CDH18: variants seen among roughly 807,000 people sequenced by gnomAD.
CDH18 encodes the protein cadherin-18.
CDH18 carries 31 observed loss-of-function variants against 67.9 expected under a neutral mutation model. That is an observed-to-expected ratio of 0.46 (90% CI 0.34 to 0.62). The LOEUF is 0.62. CDH18 is among the 20% of genes least tolerant of loss of function. The pLI is 0.01. For synonymous variants in CDH18, 362 were observed against 347.2 expected, an observed-to-expected ratio of 1.04 and a Z score of -0.48; for missense variants, 890 against 975.5, an observed-to-expected ratio of 0.91 and a Z score of 1.17.
chr5:19,842,204 T>C (rs948757281), intron 2 of CDH18, among the ~76,000 whole-genome samples: 2 of 152,198 alleles, frequency 1.3e-5, no homozygotes, highest in Non-Finnish European at 2.9e-5. Context: ...TGAATTCTGA[T>C]AAACCGAGCC....
At chr5:20,503,319 CT>C (rs1754455188) in intron 1 of CDH18, among the ~76,000 whole-genome samples, 1 of 151,470 alleles carries the variant, frequency 6.6e-6, no homozygotes, top group Non-Finnish European at 1.5e-5. Context: ...ACTAAACCCA[CT>C]AATTGAGGCT....
At chr5:19,886,739 T>C (rs1239528992) in intron 2 of CDH18, among the ~76,000 whole-genome samples, 2 of 152,162 alleles carry the variant, frequency 1.3e-5, no homozygotes, top group Non-Finnish European at 2.9e-5. Flanking sequence ...GCTCAAGAAT[T>C]ACATCACCAG....
At chr5:19,542,218 C>A (rs1750391943) in intron 9 of CDH18, among the ~76,000 whole-genome samples, 1 of 152,112 alleles carries the variant, frequency 6.6e-6, no homozygotes, top group South Asian at 2.1e-4. Flanking sequence ...CATGCATAAA[C>A]TACAGTGCAA....
intron 1 of CDH18, among the ~76,000 whole-genome samples, chr5:20,503,077 G>T (rs1464442786): frequency 2.0e-5 from 3 of 151,950 alleles, no homozygotes. Context: ...GCTGCAAATA[G>T]ACAGGTTTTT....
intron 9 of CDH18, among the ~76,000 whole-genome samples, chr5:19,529,033 A>G (rs1281667245): frequency 1.3e-5 from 2 of 151,904 alleles, no homozygotes; most frequent in Non-Finnish European, 2.9e-5. Context: ...CTGGCCTGCC[A>G]TCACAAAGGA....
intron 2 of CDH18, among the ~76,000 whole-genome samples, chr5:20,176,912 A>T (rs981381964): frequency 6.6e-6 from 1 of 152,146 alleles, no homozygotes; most frequent in African/African-American, 2.4e-5. Context: ...AAATGTTTGC[A>T]CAGCCCTAGA....
rs73053470 is a variant in CDH18 at position 20,573,019 on chromosome 5, T to C, written c.-580+2443A>G. Reference sequence around the variant, plus strand: ...ATCTGGAATGCAGGAGACATATTCATTACACAGTTGGAAAGTGTGAAGTGT... The same window carrying C: ...ATCTGGAATGCAGGAGACATATTCACTACACAGTTGGAAAGTGTGAAGTGT... On this transcript the variant is annotated intron_variant, in intron 1 of 14. Coordinates refer to the CDH18 transcript ENST00000507958. 7.0e-3 allele frequency among the ~76,000 whole-genome samples: 1,066 copies of C among 152,272 alleles called. 7 individuals are homozygous for C. The highest frequency in any genetic ancestry group is 0.024 in the African/African-American group (997 of 41,574).
intron 2 of CDH18, among the ~76,000 whole-genome samples, chr5:20,018,955 C>T (rs999108500): frequency 1.2e-4 from 18 of 150,182 alleles, no homozygotes; most frequent in Admixed American, 7.3e-4. Flanking sequence ...CCACCATGCC[C>T]GGCTAATTTT....
intron 2 of CDH18, among the ~76,000 whole-genome samples, chr5:20,170,363 C>T (rs1356246845): frequency 6.6e-6 from 1 of 152,062 alleles, no homozygotes; most frequent in South Asian, 2.1e-4. Flanking sequence ...GATCTCATTC[C>T]TTTTTTGGCT....
intron 1 of CDH18, among the ~76,000 whole-genome samples, chr5:20,309,057 A>G (rs556692034): frequency 6.6e-6 from 1 of 152,360 alleles, no homozygotes; most frequent in African/African-American, 2.4e-5. Context: ...GGGAATTATA[A>G]TAAGAAAACT....
chr5:19,989,565 A>G (rs765736064), upstream of CDH18, among the ~76,000 whole-genome samples: 24 of 152,218 alleles, frequency 1.6e-4, no homozygotes, highest in Non-Finnish European at 2.9e-4. Flanking sequence ...ATCCTTGTAC[A>G]AACTTATGAT....
intron 2 of CDH18, among the ~76,000 whole-genome samples, chr5:20,064,842 T>C (rs940866626): frequency 1.3e-5 from 2 of 152,016 alleles, no homozygotes; most frequent in African/African-American, 2.4e-5. Flanking sequence ...CCCTTGAAAA[T>C]ATGTTTGCAA....
intron 2 of CDH18, among the ~76,000 whole-genome samples, chr5:19,927,332 A>T (rs1793199521): frequency 6.6e-6 from 1 of 152,086 alleles, no homozygotes; most frequent in African/African-American, 2.4e-5. Flanking sequence ...ATATTAACTC[A>T]TTTCATTCTC....
chr5:20,389,308 G>A (rs1744608665), intron 1 of CDH18, among the ~76,000 whole-genome samples: 1 of 152,034 alleles, frequency 6.6e-6, no homozygotes, highest in African/African-American at 2.4e-5. Flanking sequence ...ATTATGTAAT[G>A]GCCTTCTTTG....
intron 5 of CDH18, among the ~76,000 whole-genome samples, chr5:19,622,309 A>G (rs1344630792): frequency 6.6e-6 from 1 of 152,192 alleles, no homozygotes; most frequent in East Asian, 1.9e-4. Context: ...AACAGAAAAA[A>G]GAGTGAGAAC....
At chr5:19,500,022 G>A (rs1276710488) in intron 11 of CDH18, among the ~76,000 whole-genome samples, 1 of 149,470 alleles carries the variant, frequency 6.7e-6, no homozygotes, top group Non-Finnish European at 1.5e-5. Flanking sequence ...CTGGGGGCTT[G>A]TAAATGTCAG....
chr5:19,555,893 GGAGTAGGTGCTGGTATCCACAGCTGA>G (rs1315786074), intron 8 of CDH18, among the ~76,000 whole-genome samples: 1 of 152,152 alleles, frequency 6.6e-6, no homozygotes, highest in Non-Finnish European at 1.5e-5. Context: ...TACCTATAAT[GGAGTAGGTGCTGGTATCCACAGCTGA>G]GAGACCTGAA....
chr5:19,511,306 T>A (rs528469703), intron 10 of CDH18, among the ~76,000 whole-genome samples: 1 of 142,732 alleles, frequency 7.0e-6, no homozygotes. Context: ...CAAGCAGTTC[T>A]TAATAGTATG....
chr5:20,206,568 T>C (rs1739908684), intron 2 of CDH18, among the ~76,000 whole-genome samples: 1 of 151,976 alleles, frequency 6.6e-6, no homozygotes. Flanking sequence ...TGAATACATA[T>C]GTCAAAATTC....
Sources: gnomAD v4.1 joint callset for allele counts (sites outside exome capture counted in the v4.1 genomes callset) on GRCh38, gnomAD v4.1.1 for gene constraint, MANE v1.5 for transcripts, NCBI Gene and HGNC (gene_info 2026-07-23, HGNC 2026-07-21) for gene names.